Variants in ABCD4 observed in about 807,000 individuals in gnomAD.
ABCD4 encodes the protein lysosomal cobalamin transporter ABCD4.
A neutral mutation model predicts 86.3 loss-of-function variants in ABCD4; 53 were observed. The observed-to-expected ratio is 0.61, with a 90% CI of 0.49 to 0.77. ABCD4 has a LOEUF of 0.77. Ranked by LOEUF, ABCD4 falls within the 30% of genes least tolerant of loss-of-function variation. ABCD4 has a pLI of 0.00. For synonymous variants in ABCD4, 328 were observed against 313.6 expected (o/e 1.05, Z -0.49); for missense variants, 757 against 764.5 (o/e 0.99, Z 0.12).
At chr14:74,289,655 G>A in intron 13 of ABCD4, 136 bp from the exon 14 acceptor site, 1 of 1,477,998 alleles carries the variant, frequency 6.8e-7, no homozygotes, top group South Asian at 1.4e-5. Context: ...GGTCAGATGG[G>A]AGAGGCTCTG....
intron 1 of ABCD4, among the ~76,000 whole-genome samples, chr14:74,301,818 T>A (rs1350217975): frequency 6.6e-6 from 1 of 152,036 alleles, no homozygotes; most frequent in Non-Finnish European, 1.5e-5. Flanking sequence ...GAAGAATCGC[T>A]TGAACCCGAG....
At chr14:74,293,050 A>G in intron 8 of ABCD4, 104 bp downstream of exon 8, 1 of 1,452,246 alleles carries the variant, frequency 6.9e-7, no homozygotes. Flanking sequence ...TAATTCCTTC[A>G]TCATGGCACA....
In ABCD4 at chr14:74,288,244, T is replaced by G; in HGVS notation, c.1522A>C (p.Arg508=). The change falls in exon 16 of 19, where the codon AGG becomes CGG. Residue 508 remains arginine (R), a synonymous_variant. Coordinates refer to ENST00000356924, the MANE Select transcript of ABCD4 (RefSeq NM_005050.4). ...ELAGLSNLVA[R]TEGLDQQVDW... ...ACCTGCTGGTCCAGGCCCTCTGTCCTTGCCACCAAGTTGGACTGTAACAGA... is the reference window on the plus strand; with the variant it reads ...ACCTGCTGGTCCAGGCCCTCTGTCCGTGCCACCAAGTTGGACTGTAACAGA... The G allele has an allele frequency of 1.9e-6, 3 of 1,610,378 alleles. No homozygotes were observed. The highest frequency in any genetic ancestry group is 2.5e-6 in the Non-Finnish European group (3 of 1,178,590).
intron 1 of ABCD4, among the ~76,000 whole-genome samples, chr14:74,302,049 T>C (rs2084735272): frequency 6.6e-6 from 1 of 152,118 alleles, no homozygotes; most frequent in South Asian, 2.1e-4. Context: ...CGTCGGGAAG[T>C]ATAAACTAGT....
intron 11 of ABCD4, among the ~76,000 whole-genome samples, 160 bp from the exon 12 acceptor site, chr14:74,290,659 T>A (rs550140847): frequency 6.7e-6 from 1 of 149,640 alleles, no homozygotes; most frequent in African/African-American, 2.5e-5. Flanking sequence ...TGACTCAGAA[T>A]GTAACTGCAT....
intron 6 of ABCD4, 58 bp downstream of exon 6, chr14:74,295,796 G>T (rs1273796504): frequency 2.5e-5 from 40 of 1,605,588 alleles, no homozygotes; most frequent in Admixed American, 3.5e-5. Context: ...TTTTACTCCA[G>T]ATCCCCTTCC....
chr14:74,288,090 G>A, intron 16 of ABCD4, 117 bp downstream of exon 16: 1 of 1,260,760 alleles, frequency 7.9e-7, no homozygotes, highest in Non-Finnish European at 1.1e-6. Context: ...GCACCCGACT[G>A]ACCAGCCAAA....
intron 1 of ABCD4, among the ~76,000 whole-genome samples, chr14:74,301,840 A>G (rs889517043): frequency 2.0e-5 from 3 of 152,168 alleles, no homozygotes; most frequent in African/African-American, 4.8e-5. Context: ...CGGAGGTTGC[A>G]GTGAGCCGAG....
At chr14:74,301,841 G>A (rs1461387471) in intron 1 of ABCD4, among the ~76,000 whole-genome samples, 1 of 152,180 alleles carries the variant, frequency 6.6e-6, no homozygotes, top group Non-Finnish European at 1.5e-5. Flanking sequence ...GGAGGTTGCA[G>A]TGAGCCGAGA....
At chr14:74,299,801 C>A in intron 2 of ABCD4, 126 bp from the exon 3 acceptor site, 1 of 911,760 alleles carries the variant, frequency 1.1e-6, no homozygotes, top group Admixed American at 2.5e-5. Context: ...GTGGCTCACG[C>A]CTGTAATCCC....
At chr14:74,296,510 A>C in intron 4 of ABCD4, 61 bp from the exon 5 acceptor site, 1 of 1,488,098 alleles carries the variant, frequency 6.7e-7, no homozygotes, top group Non-Finnish European at 9.3e-7. Context: ...TAGAGAGAAC[A>C]AGAAACTTTC....
At chr14:74,301,251 C>T (rs2084408467) in intron 1 of ABCD4, among the ~76,000 whole-genome samples, 1 of 151,844 alleles carries the variant, frequency 6.6e-6, no homozygotes, top group Admixed American at 6.6e-5. Flanking sequence ...CCTCTGCCTC[C>T]CGGGTTCAAG....
At chr14:74,288,030 T>TA (rs2080306920) in intron 16 of ABCD4, 144 bp from the exon 17 acceptor site, 11 of 1,041,262 alleles carry the variant, frequency 1.1e-5, no homozygotes, top group South Asian at 1.0e-4. Context: ...ACCATAGGCC[T>TA]ACAGCCCTCA....
At position 74,286,285 on chromosome 14, in the gene ABCD4, G is replaced by T. The variant is rs1159954844; in HGVS notation, c.*176C>A. On this transcript the variant is annotated 3_prime_UTR_variant, in exon 19 of 19. Coordinates refer to ENST00000356924, the MANE Select transcript of ABCD4 (RefSeq NM_005050.4). ...ACTGGGAGATTCAGTGTCCCCCACA[G>T]AAACCTAGACCTGGGCTCAGCCCAC... 9.5e-6 allele frequency: 6 copies of T among 633,554 alleles called. No homozygotes were observed. Among genetic ancestry groups the T allele is most frequent in the African/African-American group, 1.8e-5 (1 of 54,668 alleles). The allele number at this position is 633,554 out of a possible 1,614,324, so 39.2% of individuals were successfully genotyped here. A position where few individuals can be genotyped will look rare whatever the true frequency, so the allele number is the denominator to read the frequency against.
At chr14:74,301,048 TTCA>T (rs2084324249) in intron 1 of ABCD4, among the ~76,000 whole-genome samples, 1 of 152,046 alleles carries the variant, frequency 6.6e-6, no homozygotes, top group Non-Finnish European at 1.5e-5. Flanking sequence ...GAGACGGGGT[TTCA>T]TCATATTGGT....
At chr14:74,296,288 G>C (rs2082839722) in intron 5 of ABCD4, 45 bp downstream of exon 5, 5 of 1,571,172 alleles carry the variant, frequency 3.2e-6, no homozygotes, top group Non-Finnish European at 3.5e-6. Flanking sequence ...AGCTGACTGA[G>C]GGCCCTCTGG....
intron 17 of ABCD4, 29 bp from the exon 18 acceptor site, chr14:74,286,845 T>TCAA: frequency 3.7e-6 from 6 of 1,602,222 alleles, no homozygotes; most frequent in African/African-American, 1.3e-5. Flanking sequence ...GAGGAAGAGA[T>TCAA]CAAAGCCCTG....
intron 17 of ABCD4, 124 bp from the exon 18 acceptor site, chr14:74,286,940 G>A (rs1229450931): frequency 1.2e-6 from 1 of 834,460 alleles, no homozygotes; most frequent in East Asian, 2.7e-5. Context: ...CTGGCTTCCA[G>A]AAGCCCTGCC....
chr14:74,287,896 G>A lies in ABCD4; in HGVS notation c.1560-10C>T. 6.2e-7 allele frequency: 1 copy of A among 1,610,422 alleles called. No individual in the cohort carries two copies. The highest frequency in any genetic ancestry group is 8.5e-7 in the Non-Finnish European group (1 of 1,177,706). Reference sequence around the variant, plus strand: ...GGACAGAACATCATACCTGAGGAAAGGTAGGAGAGAGGACTGCTAGAGGAG... The same window carrying A: ...GGACAGAACATCATACCTGAGGAAAAGTAGGAGAGAGGACTGCTAGAGGAG... On this transcript the variant is annotated splice_polypyrimidine_tract_variant and intron_variant, in intron 16 of 18. Transcript: ENST00000356924.
Sources: gnomAD v4.1 joint callset for allele counts (sites outside exome capture counted in the v4.1 genomes callset) on GRCh38, gnomAD v4.1.1 for gene constraint, MANE v1.5 for transcripts, NCBI Gene and HGNC (gene_info 2026-07-23, HGNC 2026-07-21) for gene names.